Variants in TBCE observed in about 807,000 individuals in gnomAD.
TBCE encodes tubulin-specific chaperone E.
A neutral mutation model predicts 77.0 loss-of-function variants in TBCE; 53 were observed. The observed-to-expected ratio is 0.69, with a 90% confidence interval of 0.55 to 0.87. TBCE has a LOEUF of 0.87. Among genes scored for constraint, TBCE ranks in the 40% least tolerant of loss-of-function variants. The pLI is 0.00. For missense variants in TBCE, 624 were observed against 622.4 expected (o/e 1.00, Z -0.03); for synonymous variants, 235 against 241.3 (o/e 0.97, Z 0.24).
intron 3 of TBCE, among the ~76,000 whole-genome samples, chr1:235,409,860 C>T (rs12742730): frequency 1.1e-5 from 1 of 94,030 alleles, no homozygotes; most frequent in Non-Finnish European, 2.1e-5. Context: ...GAAACCCCGT[C>T]TCTACTAAAA....
intron 2 of TBCE, among the ~76,000 whole-genome samples, chr1:235,382,367 C>G (rs1677729641): frequency 1.3e-5 from 2 of 152,120 alleles, no homozygotes; most frequent in South Asian, 4.1e-4. Context: ...ATTTCTAGTT[C>G]TAGATCCCCA....
Position 235,414,022 on chromosome 1 carries a change from T to C in TBCE, c.186-411T>C, listed in dbSNP as rs1388155067. ...GGTGTGCACCACCACGCTGGACTAA[T>C]TTTTGTATTTTTAGTAGAGATGGGG... is the stretch of plus-strand genomic sequence containing the variant. On this transcript the variant is annotated intron_variant, in intron 3 of 16. Coordinates refer to ENST00000642610, the MANE Select transcript of TBCE (RefSeq NM_003193.5). 6 of 260,310 alleles carry C rather than the reference T, an allele frequency of 2.3e-5. No homozygotes were observed. In the Admixed American group the frequency reaches 3.1e-4, roughly 14 times the overall value. 16.1% of individuals were successfully genotyped at this position (260,310 alleles called of 1,614,324 possible).
At chr1:235,399,865 G>A (rs1465702028) in intron 2 of TBCE, among the ~76,000 whole-genome samples, 1 of 152,016 alleles carries the variant, frequency 6.6e-6, no homozygotes, top group African/African-American at 2.4e-5. Flanking sequence ...TTGAATTGGC[G>A]GACACCCAGA....
At chr1:235,434,981 A>G (rs1368013877) in intron 8 of TBCE, among the ~76,000 whole-genome samples, 2 of 152,220 alleles carry the variant, frequency 1.3e-5, no homozygotes, top group African/African-American at 4.8e-5. Flanking sequence ...ATATTAAATT[A>G]CTATGTAAAA....
chr1:235,372,250 A>G (rs11584386), intron 1 of TBCE, among the ~76,000 whole-genome samples: 20,693 of 151,022 alleles, frequency 0.14, 1,705 homozygotes, highest in African/African-American at 0.23. Flanking sequence ...TTGCAACGGG[A>G]TTTCACCATA....
At chr1:235,396,185 A>G (rs1678708934) in intron 2 of TBCE, among the ~76,000 whole-genome samples, 1 of 151,778 alleles carries the variant, frequency 6.6e-6, no homozygotes, top group Admixed American at 6.6e-5. Context: ...TCAGCCTCCG[A>G]GTAGCTGGGA....
chr1:235,412,797 AATT>A (rs71853087), intron 3 of TBCE, among the ~76,000 whole-genome samples: 2 of 151,830 alleles, frequency 1.3e-5, no homozygotes, highest in African/African-American at 4.8e-5. Flanking sequence ...CATCCTTTTC[AATT>A]ATTATTATTA....
intron 3 of TBCE, 123 bp from the exon 4 acceptor site, chr1:235,414,310 T>C (rs1679985902): frequency 2.4e-6 from 2 of 850,488 alleles, no homozygotes; most frequent in Admixed American, 2.0e-5. Flanking sequence ...TATGTGATAT[T>C]CTCTTTTATG....
intron 3 of TBCE, among the ~76,000 whole-genome samples, chr1:235,409,947 G>A (rs369364686): frequency 7.0e-6 from 1 of 143,430 alleles, no homozygotes; most frequent in Non-Finnish European, 1.5e-5. Context: ...GGAGAATGGC[G>A]TGAACCCGGG....
intron 2 of TBCE, among the ~76,000 whole-genome samples, chr1:235,387,555 G>T (rs1042729624): frequency 6.6e-6 from 1 of 152,200 alleles, no homozygotes; most frequent in African/African-American, 2.4e-5. Context: ...ATCTCAGACT[G>T]CTGTGCTAGC....
intron 15 of TBCE, among the ~76,000 whole-genome samples, chr1:235,447,267 G>A (rs549390162): frequency 6.6e-6 from 1 of 152,094 alleles, no homozygotes; most frequent in Non-Finnish European, 1.5e-5. Context: ...AAAACACACA[G>A]CTTTTACAAA....
chr1:235,391,693 G>A (rs1678405024), intron 2 of TBCE, among the ~76,000 whole-genome samples: 1 of 133,584 alleles, frequency 7.5e-6, no homozygotes, highest in South Asian at 2.4e-4. Context: ...TGCAACCACT[G>A]CTTCCCAGGT....
intron 8 of TBCE, among the ~76,000 whole-genome samples, chr1:235,434,661 C>A (rs1021850430): frequency 1.3e-5 from 2 of 151,786 alleles, no homozygotes; most frequent in African/African-American, 4.8e-5. Context: ...CTCAGCCTCC[C>A]GAGTAGCTGG....
chr1:235,439,952 C>T (rs936716759), intron 13 of TBCE, among the ~76,000 whole-genome samples: 1 of 151,916 alleles, frequency 6.6e-6, no homozygotes, highest in African/African-American at 2.4e-5. Context: ...CAGGCGCACA[C>T]CACCATGCCT....
intron 2 of TBCE, among the ~76,000 whole-genome samples, chr1:235,381,841 T>C (rs1268090429): frequency 1.3e-5 from 2 of 151,026 alleles, no homozygotes; most frequent in African/African-American, 4.9e-5. Context: ...TACTTTAAGT[T>C]TTAGGGTACA....
At chr1:235,435,034 AG>A (rs1419494015) in intron 8 of TBCE, among the ~76,000 whole-genome samples, 5 of 152,134 alleles carry the variant, frequency 3.3e-5, no homozygotes, top group African/African-American at 1.2e-4. Flanking sequence ...TCTGAATTAA[AG>A]GATTCAGAAT....
At chr1:235,376,953 G>C (rs898710603) in intron 1 of TBCE, among the ~76,000 whole-genome samples, 17 of 151,982 alleles carry the variant, frequency 1.1e-4, no homozygotes, top group African/African-American at 3.9e-4. Flanking sequence ...GACAGAGTGA[G>C]ACTCCGTCTC....
intron 2 of TBCE, among the ~76,000 whole-genome samples, chr1:235,395,391 C>T (rs11587587): frequency 0.16 from 24,845 of 151,870 alleles, 2,824 homozygotes; most frequent in African/African-American, 0.32. Flanking sequence ...TATAAAGATG[C>T]ACAATAAATT....
At chr1:235,436,515 AC>A (rs1558388820) in intron 10 of TBCE, 28 bp from the exon 11 acceptor site, 2 of 1,612,528 alleles carry the variant, frequency 1.2e-6, no homozygotes. Flanking sequence ...TTTCACTTCT[AC>A]TGTGTAACTT....
Sources: allele counts gnomAD v4.1 joint callset (sites outside exome capture counted in the v4.1 genomes callset), GRCh38; gene constraint gnomAD v4.1.1; transcripts MANE v1.5; gene names NCBI Gene and HGNC (gene_info 2026-07-23, HGNC 2026-07-21).